The following TXNDC5 variants were observed in gnomAD, a reference collection of about 807,000 sequenced individuals.
TXNDC5 encodes thioredoxin domain-containing protein 5.
TXNDC5 carries 44 observed loss-of-function variants against 52.6 expected under a neutral mutation model. The observed-to-expected ratio is 0.84, with a 90% CI of 0.66 to 1.08. The LOEUF (loss-of-function observed/expected upper bound fraction) is 1.08. TXNDC5 is among the 50% of genes least tolerant of loss of function. The pLI is 0.00. For synonymous variants in TXNDC5, 241 were observed against 234.4 expected (o/e 1.03, Z -0.26); for missense variants, 600 against 565.5 (o/e 1.06, Z -0.62).
chr6:7,882,306 A>T lies in TXNDC5; in HGVS notation c.*838T>A, dbSNP rs1204542529. Reference sequence around the variant, plus strand: ...CAAATACAACTGGAATCTTTCAATGAGTTAATGAGATACTGAGAATGAGCC... The same window carrying T: ...CAAATACAACTGGAATCTTTCAATGTGTTAATGAGATACTGAGAATGAGCC... On this transcript the variant is annotated 3_prime_UTR_variant, in exon 10 of 10. Transcript: ENST00000379757. The T allele has an allele frequency of 6.6e-6, 1 of 152,268 alleles. No individual in the cohort carries two copies. The highest frequency in any genetic ancestry group is 1.5e-5 in the Non-Finnish European group (1 of 68,040). 9.4% of individuals were successfully genotyped at this position (152,268 alleles called of 1,614,324 possible).
chr6:7,883,296 A>G, intron 9 of TXNDC5, 30 bp from the exon 10 acceptor site: 1 of 1,613,576 alleles, frequency 6.2e-7, no homozygotes, highest in Non-Finnish European at 8.5e-7. Flanking sequence ...AAGTTTGCAA[A>G]CCAGCGGTCC....
chr6:7,885,924 C>T, intron 8 of TXNDC5, 37 bp downstream of exon 8: 1 of 1,592,448 alleles, frequency 6.3e-7, no homozygotes, highest in Non-Finnish European at 8.6e-7. Flanking sequence ...ACTTAGTACA[C>T]ATGGACAAAG....
At chr6:7,910,221 G>C (rs1389997949) in intron 1 of TXNDC5, 11 of 912,262 alleles carry the variant, frequency 1.2e-5, no homozygotes, top group Non-Finnish European at 1.5e-5. Context: ...GGAGCCCCAA[G>C]CCCTCGGTCC....
chr6:7,897,598 G>A (rs542407888), intron 3 of TXNDC5, among the ~76,000 whole-genome samples: 3 of 152,236 alleles, frequency 2.0e-5, no homozygotes, highest in East Asian at 3.9e-4. Context: ...GGGATTACAC[G>A]CGGCCATCCT....
At chr6:7,895,808 G>A (rs539173770) in intron 3 of TXNDC5, among the ~76,000 whole-genome samples, 2 of 152,208 alleles carry the variant, frequency 1.3e-5, no homozygotes, top group African/African-American at 4.8e-5. Flanking sequence ...CTAGGCAACA[G>A]AGTGAGACCC....
At chr6:7,884,849 G>A (rs1759905815) in intron 8 of TXNDC5, among the ~76,000 whole-genome samples, 1 of 152,222 alleles carries the variant, frequency 6.6e-6, no homozygotes, top group Admixed American at 6.5e-5. Context: ...ATTTCTAAAA[G>A]GTCACTTGAA....
rs1304749123 is a variant in TXNDC5, at chr6:7,910,729, C to T, written c.48G>A (p.Ala16=). The change falls in exon 1 of 10, where the codon GCG becomes GCA. Residue 16 remains alanine, a synonymous_variant. Coordinates refer to ENST00000379757, the MANE Select transcript of TXNDC5 (RefSeq NM_030810.5). The part of the protein sequence containing the change: ...GRLLPLLARP[A]ALTALLLLLL... ...GCAGCAGCAGCAGCGCAGTCAGGGC[C>T]GCCGGCCGGGCCAGCAGCGGGAGGA... 18 of 1,032,422 alleles carry T rather than the reference C, an allele frequency of 1.7e-5. No homozygotes were observed. The East Asian group carries it at 1.7e-3, about 99-fold the overall frequency. The allele number at this position is 1,032,422 out of a possible 1,614,324, so 64.0% of individuals were successfully genotyped here. A position where few individuals can be genotyped will look rare whatever the true frequency, so the allele number is the denominator to read the frequency against.
intron 1 of TXNDC5, among the ~76,000 whole-genome samples, chr6:7,906,548 A>G: frequency 6.7e-6 from 1 of 150,356 alleles, no homozygotes; most frequent in South Asian, 2.1e-4. Context: ...AAAAAAAAAA[A>G]AAAAAAAAAG....
In TXNDC5 at chr6:7,894,806, A is replaced by G. The variant is rs1760309939; in HGVS notation, c.616+300T>C. The G allele has an allele frequency of 1.4e-5, 14 of 985,340 alleles. No homozygotes were observed. In the Admixed American group the frequency reaches 8.6e-4, roughly 61 times the overall value. 61.0% of individuals were successfully genotyped at this position (985,340 alleles called of 1,614,324 possible). On this transcript the variant is annotated intron_variant, in intron 4 of 9. Coordinates refer to ENST00000379757, the MANE Select transcript of TXNDC5 (RefSeq NM_030810.5). ...CCAAAGTGCAATAAAGTAAAGAGCAATCAAGCGAGGTGAGTCTGTCAATAA... is the reference window on the plus strand; with the variant it reads ...CCAAAGTGCAATAAAGTAAAGAGCAGTCAAGCGAGGTGAGTCTGTCAATAA...
At chr6:7,907,387 CAAG>C (rs1172281289) in intron 1 of TXNDC5, among the ~76,000 whole-genome samples, 2 of 152,002 alleles carry the variant, frequency 1.3e-5, no homozygotes, top group African/African-American at 2.4e-5. Context: ...AGCCTGTGGC[CAAG>C]AAGTAGAGCA....
rs780867683 is a variant in TXNDC5, at chr6:7,883,102, G to GGT, written c.*40_*41dup. On this transcript the variant is annotated 3_prime_UTR_variant, in exon 10 of 10. Transcript: ENST00000379757. ...TGTGGGACTGAACTCCTAAACGCAGGGTGCGGGAGCTGGGCAGGAGAGGTG... is the reference window on the plus strand; with the variant it reads ...TGTGGGACTGAACTCCTAAACGCAGGGTGTGCGGGAGCTGGGCAGGAGAGGTG... The GGT allele has an allele frequency of 7.6e-5, 122 of 1,612,788 alleles. 4 individuals carry two copies. The South Asian group carries it at 1.3e-3, about 18-fold the overall frequency.
At chr6:7,893,756 T>G (rs1760277863) in intron 4 of TXNDC5, among the ~76,000 whole-genome samples, 1 of 152,126 alleles carries the variant, frequency 6.6e-6, no homozygotes, top group South Asian at 2.1e-4. Flanking sequence ...ACAGTAAGTG[T>G]GGTGGGGGAG....
chr6:7,891,357 T>C (rs1760184093), intron 5 of TXNDC5, among the ~76,000 whole-genome samples: 1 of 152,150 alleles, frequency 6.6e-6, no homozygotes, highest in African/African-American at 2.4e-5. Context: ...GAACGGGCTC[T>C]GGGGCTGCCA....
intron 1 of TXNDC5, among the ~76,000 whole-genome samples, chr6:7,909,463 C>T (rs757122647): frequency 6.6e-6 from 1 of 152,232 alleles, no homozygotes; most frequent in African/African-American, 2.4e-5. Flanking sequence ...GAAGCTCTTC[C>T]GTGGGATGAG....
chr6:7,883,259 C>T lies in TXNDC5; in HGVS notation c.1184G>A (p.Gly395Asp). 1.2e-6 allele frequency: 2 copies of T among 1,614,168 alleles called. No homozygotes were observed. The highest frequency in any genetic ancestry group is 1.7e-6 in the Non-Finnish European group (2 of 1,180,018). The change falls in exon 10 of 10, where the codon GGC becomes GAC. Residue 395 changes from glycine to aspartate, a missense_variant. Coordinates refer to ENST00000379757, the MANE Select transcript of TXNDC5 (RefSeq NM_030810.5). ...TCGGAAAAGCAATAACGTGGGGTAG[C>T]CTCGTACCTTAAAACAAAAAAGAAA... ...RNICSKYSVR[G>D]YPTLLLFRGG...
At chr6:7,886,751 T>G (rs541457877) in intron 7 of TXNDC5, among the ~76,000 whole-genome samples, 1 of 152,306 alleles carries the variant, frequency 6.6e-6, no homozygotes, top group Admixed American at 6.5e-5. Flanking sequence ...AAAATGGATC[T>G]GCGATTCTCT....
chr6:7,899,962 C>T (rs188936511), intron 2 of TXNDC5: 69 of 243,726 alleles, frequency 2.8e-4, no homozygotes, highest in African/African-American at 1.4e-3. Flanking sequence ...AGCTACAGTA[C>T]TCAGTGCTCC....
rs1185485891 is a variant in TXNDC5 at position 7,883,251 on chromosome 6, T to TG, written c.1191dup (p.Thr398HisfsTer13). Reference sequence around the variant, plus strand: ...TTCCCTCCTCGGAAAAGCAATAACGTGGGGTAGCCTCGTACCTTAAAACAA... The same window carrying TG: ...TTCCCTCCTCGGAAAAGCAATAACGTGGGGGTAGCCTCGTACCTTAAAACAA... On this transcript the variant is annotated frameshift_variant, in exon 10 of 10. Transcript: ENST00000379757. LOFTEE classifies it high-confidence loss of function. 6.2e-7 allele frequency: 1 copy of TG among 1,614,146 alleles called. No individual in the cohort carries two copies. The highest frequency in any genetic ancestry group is 8.5e-7 in the Non-Finnish European group (1 of 1,180,012).
At chr6:7,902,131 C>T (rs1760590242) in intron 2 of TXNDC5, among the ~76,000 whole-genome samples, 1 of 152,130 alleles carries the variant, frequency 6.6e-6, no homozygotes, top group Non-Finnish European at 1.5e-5. Context: ...CAACAGGAGC[C>T]AGGACGAGGC....
Sources: allele counts gnomAD v4.1 joint callset (sites outside exome capture counted in the v4.1 genomes callset), GRCh38; gene constraint gnomAD v4.1.1; transcripts MANE v1.5; gene names NCBI Gene and HGNC (gene_info 2026-07-23, HGNC 2026-07-21).